The following TATDN1 variants were observed in gnomAD, a reference collection of about 807,000 sequenced individuals.
TATDN1 encodes deoxyribonuclease TATDN1.
A neutral mutation model predicts 46.4 loss-of-function variants in TATDN1; 40 were observed. The observed-to-expected ratio is 0.86, with a 90% CI of 0.67 to 1.12. The LOEUF (loss-of-function observed/expected upper bound fraction) is 1.12, where lower values mean the gene tolerates loss of function less well. TATDN1 is among the 50% of genes most tolerant of loss of function. The probability of loss-of-function intolerance (pLI) is 0.00; values close to 1 mark genes in which losing one functional copy is unlikely to be tolerated. For missense variants in TATDN1, 326 were observed against 348.4 expected (o/e 0.94, Z 0.51); for synonymous variants, 95 against 105.6 (o/e 0.90, Z 0.62).
intron 11 of TATDN1, 135 bp downstream of exon 11, chr8:124,493,698 C>A: frequency 1.1e-6 from 1 of 951,668 alleles, no homozygotes. Context: ...CAAATCACTG[C>A]ATTAATATGG....
Position 124,508,699 on chromosome 8 carries a change from C to CAA in TATDN1, c.390-13_390-12dup, listed in dbSNP as rs749401879. The CAA allele has an allele frequency of 7.8e-5, 89 of 1,139,192 alleles. No individual in the cohort carries two copies. The highest frequency in any genetic ancestry group is 1.1e-4 in the South Asian group (6 of 55,644). The allele number at this position is 1,139,192 out of a possible 1,614,324, so 70.6% of individuals were successfully genotyped here. On this transcript the variant is annotated splice_polypyrimidine_tract_variant and intron_variant, in intron 6 of 11. Transcript: ENST00000276692. ...TGTTTTTCAAAATATCTGCATAATG[C>CAA]AAAAAAAAAAAATTCTCATTACAAA...
chr8:124,520,916 C>A (rs1042487288), intron 3 of TATDN1, among the ~76,000 whole-genome samples: 2 of 132,232 alleles, frequency 1.5e-5, no homozygotes, highest in Non-Finnish European at 3.0e-5. Flanking sequence ...GCACTCCAGT[C>A]TGGGTGACAG....
intron 9 of TATDN1, among the ~76,000 whole-genome samples, chr8:124,501,532 G>T (rs976390554): frequency 6.6e-6 from 1 of 152,088 alleles, no homozygotes; most frequent in Non-Finnish European, 1.5e-5. Flanking sequence ...AATGCAGGAA[G>T]ACAAGCAGAA....
At chr8:124,530,693 CAAG>C (rs1344509671) in intron 1 of TATDN1, among the ~76,000 whole-genome samples, 3 of 152,156 alleles carry the variant, frequency 2.0e-5, no homozygotes, top group Non-Finnish European at 4.4e-5. Flanking sequence ...CTGATAAAGA[CAAG>C]AAGAGGAAGC....
At chr8:124,527,244 C>A (rs536612436) in intron 1 of TATDN1, among the ~76,000 whole-genome samples, 1 of 152,214 alleles carries the variant, frequency 6.6e-6, no homozygotes, top group Non-Finnish European at 1.5e-5. Flanking sequence ...ACATGTTACA[C>A]AAACCCCATG....
At chr8:124,503,596 T>C (rs1818159759) in intron 9 of TATDN1, among the ~76,000 whole-genome samples, 1 of 152,092 alleles carries the variant, frequency 6.6e-6, no homozygotes, top group Non-Finnish European at 1.5e-5. Context: ...ATTTTAAGGG[T>C]ATGAGACAAT....
intron 1 of TATDN1, among the ~76,000 whole-genome samples, chr8:124,531,035 G>C (rs1820907726): frequency 6.6e-6 from 1 of 152,058 alleles, no homozygotes; most frequent in African/African-American, 2.4e-5. Context: ...CAGTAGGCTG[G>C]ATGAAGTATT....
At chr8:124,523,120 C>A in intron 1 of TATDN1, 118 bp from the exon 2 acceptor site, 1 of 771,840 alleles carries the variant, frequency 1.3e-6, no homozygotes, top group South Asian at 1.6e-5. Flanking sequence ...AAACAATATC[C>A]AAGTGCCTAC....
At chr8:124,518,490 C>G (rs4871497) in intron 4 of TATDN1, among the ~76,000 whole-genome samples, 12,346 of 148,590 alleles carry the variant, frequency 0.083, 769 homozygotes, top group South Asian at 0.29. Flanking sequence ...CACCACTGCA[C>G]TTCAGCCTGG....
At chr8:124,522,799 C>T (rs1161034429) in intron 2 of TATDN1, 138 bp downstream of exon 2, 1 of 740,152 alleles carries the variant, frequency 1.4e-6, no homozygotes, top group Non-Finnish European at 2.4e-6. Flanking sequence ...AGGCAATCCT[C>T]CTGCCTCAGA....
chr8:124,508,323 G>T, intron 8 of TATDN1, 151 bp downstream of exon 8: 1 of 631,802 alleles, frequency 1.6e-6, no homozygotes, highest in Non-Finnish European at 2.7e-6. Context: ...CAAAATTTGT[G>T]TACAATGAAT....
intron 4 of TATDN1, chr8:124,518,617 G>A (rs889956893): frequency 6.7e-5 from 36 of 533,560 alleles, no homozygotes; most frequent in African/African-American, 6.2e-4. Context: ...TCATTGAGCA[G>A]TATGAAACAG....
At chr8:124,529,450 C>T (rs772631588) in intron 1 of TATDN1, among the ~76,000 whole-genome samples, 2 of 152,000 alleles carry the variant, frequency 1.3e-5, no homozygotes, top group East Asian at 1.9e-4. Context: ...TGTAAGGATA[C>T]GGGGGGTTAC....
At chr8:124,527,943 C>T (rs772024783) in intron 1 of TATDN1, among the ~76,000 whole-genome samples, 2 of 151,918 alleles carry the variant, frequency 1.3e-5, no homozygotes, top group Admixed American at 6.6e-5. Context: ...GTAAGTTCTA[C>T]GCACTGAGCC....
intron 6 of TATDN1, among the ~76,000 whole-genome samples, chr8:124,512,247 ACT>A (rs1253737769): frequency 6.6e-6 from 1 of 152,074 alleles, no homozygotes; most frequent in Non-Finnish European, 1.5e-5. Context: ...ACATGGTGAA[ACT>A]CTGTCTCTAC....
intron 11 of TATDN1, among the ~76,000 whole-genome samples, chr8:124,492,638 C>T (rs2131337754): frequency 6.6e-6 from 1 of 151,040 alleles, no homozygotes; most frequent in South Asian, 2.1e-4. Flanking sequence ...CCTATAGTTC[C>T]AGCTACTTGG....
intron 9 of TATDN1, chr8:124,503,908 C>T (rs1818186305): frequency 3.9e-6 from 5 of 1,293,172 alleles, no homozygotes; most frequent in Non-Finnish European, 5.0e-6. Flanking sequence ...CAGAATAAAC[C>T]GTTCGTCCAT....
chr8:124,499,583 C>T (rs1003821937), intron 9 of TATDN1, among the ~76,000 whole-genome samples: 3 of 152,018 alleles, frequency 2.0e-5, no homozygotes, highest in South Asian at 2.1e-4. Context: ...CTCACTCTGT[C>T]GCCCAGGCTG....
chr8:124,501,701 A>T (rs1450757713), intron 9 of TATDN1, among the ~76,000 whole-genome samples: 1 of 152,210 alleles, frequency 6.6e-6, no homozygotes. Context: ...CAATGGAAAT[A>T]GAATAAAAAG....
Sources: gnomAD v4.1 joint callset for allele counts (sites outside exome capture counted in the v4.1 genomes callset) on GRCh38, gnomAD v4.1.1 for gene constraint, MANE v1.5 for transcripts, NCBI Gene and HGNC (gene_info 2026-07-23, HGNC 2026-07-21) for gene names.